The following NFATC1 variants were observed in gnomAD, a reference collection of about 807,000 sequenced individuals.
NFATC1 encodes nuclear factor of activated T cells 1.
In NFATC1, 22 loss-of-function variants were observed where a neutral mutation model predicts 76.0. That is an observed-to-expected ratio of 0.29 (90% CI 0.21 to 0.41). The LOEUF (loss-of-function observed/expected upper bound fraction) is 0.41, where lower values mean the gene tolerates loss of function less well. Among genes scored for constraint, NFATC1 ranks in the 10% least tolerant of loss-of-function variants. The probability of loss-of-function intolerance (pLI) is 1.00; values close to 1 mark genes in which losing one functional copy is unlikely to be tolerated. For synonymous variants in NFATC1, 704 were observed against 613.1 expected (o/e 1.15, Z -2.19); for missense variants, 1,357 against 1,337.7 (o/e 1.01, Z -0.23).
rs767491400 is a variant in NFATC1 at position 79,451,835 on chromosome 18, G to T, written c.1903+19G>T. ...GCCCCAGGTATGCTCTTCACCAGGG[G>T]CCATCTGCGGCCTGGGCTTCGGCGC... On this transcript the variant is annotated intron_variant, in intron 6 of 9. Coordinates refer to ENST00000427363, the MANE Select transcript of NFATC1 (RefSeq NM_001278669.2). The T allele has an allele frequency of 6.3e-7, 1 of 1,589,862 alleles. No homozygotes were observed. The highest frequency in any genetic ancestry group is 1.1e-5 in the South Asian group (1 of 87,114).
intron 9 of NFATC1, among the ~76,000 whole-genome samples, chr18:79,491,835 C>T (rs1415873325): frequency 6.6e-6 from 1 of 152,076 alleles, no homozygotes; most frequent in African/African-American, 2.4e-5. Flanking sequence ...GGACTCAGCC[C>T]CGGCCCCTGG....
At chr18:79,522,624 G>T (rs556995603) in intron 9 of NFATC1, among the ~76,000 whole-genome samples, 2 of 151,992 alleles carry the variant, frequency 1.3e-5, no homozygotes, top group Non-Finnish European at 2.9e-5. Context: ...AAACACCCCC[G>T]CCCCCAGCCT....
chr18:79,401,937 C>T (rs535571951), intron 1 of NFATC1, among the ~76,000 whole-genome samples: 3 of 152,300 alleles, frequency 2.0e-5, no homozygotes, highest in Admixed American at 1.3e-4. Context: ...GCCCTCGGCC[C>T]TGGCTGAAGA....
At position 79,410,370 on chromosome 18, in the gene NFATC1, C is replaced by G; in HGVS notation, c.128-33C>G. The G allele has an allele frequency of 6.4e-7, 1 of 1,573,102 alleles. No homozygotes were observed. Among genetic ancestry groups the G allele is most frequent in the Admixed American group, 1.7e-5 (1 of 57,552 alleles). ...GTTTCTGCTTTGTGATGCCCAGCCCCTCATGCTCCCATCTGCTTCTTTTTC... is the reference window on the plus strand; with the variant it reads ...GTTTCTGCTTTGTGATGCCCAGCCCGTCATGCTCCCATCTGCTTCTTTTTC... On this transcript the variant is annotated intron_variant, in intron 1 of 9. Transcript: ENST00000427363. The surrounding 1 kb of genome is among the most constrained non-coding windows in gnomAD (Gnocchi z 6.7).
At chr18:79,495,089 A>G (rs1260573183) in intron 9 of NFATC1, among the ~76,000 whole-genome samples, 1 of 152,234 alleles carries the variant, frequency 6.6e-6, no homozygotes, top group African/African-American at 2.4e-5. Context: ...CAAGGATGGC[A>G]CTGAGACGGG....
At chr18:79,523,501 G>T (rs2090669294) in intron 9 of NFATC1, among the ~76,000 whole-genome samples, 1 of 152,284 alleles carries the variant, frequency 6.6e-6, no homozygotes, top group Admixed American at 6.5e-5. Flanking sequence ...CTCGCCTACG[G>T]CTTGTTTACG....
intron 9 of NFATC1, among the ~76,000 whole-genome samples, chr18:79,508,585 C>T (rs1013258211): frequency 1.4e-4 from 22 of 152,214 alleles, no homozygotes; most frequent in East Asian, 5.8e-4. Context: ...GAACTCCCTC[C>T]CCTCTCTCTC....
At chr18:79,460,712 C>T (rs746399684) in intron 6 of NFATC1, among the ~76,000 whole-genome samples, 2 of 152,120 alleles carry the variant, frequency 1.3e-5, no homozygotes, top group African/African-American at 4.8e-5. Flanking sequence ...GCAGGGCCAG[C>T]GGCCAGGCCC....
intron 2 of NFATC1, among the ~76,000 whole-genome samples, chr18:79,424,217 G>A (rs575122527): frequency 5.9e-5 from 9 of 152,358 alleles, no homozygotes; most frequent in South Asian, 2.1e-4. Context: ...CACTATCACC[G>A]AGAAACGCGG....
chr18:79,429,078 C>T (rs1396525160), intron 2 of NFATC1, among the ~76,000 whole-genome samples: 1 of 151,912 alleles, frequency 6.6e-6, no homozygotes, highest in African/African-American at 2.4e-5. Context: ...AAAAATTAGC[C>T]GGTGTGGTGG....
At chr18:79,445,428 C>T (rs2087165830) in intron 3 of NFATC1, among the ~76,000 whole-genome samples, 2 of 152,356 alleles carry the variant, frequency 1.3e-5, no homozygotes, top group Admixed American at 1.3e-4. Context: ...CACTCTCCTG[C>T]CTGGTTCCCT....
intron 9 of NFATC1, among the ~76,000 whole-genome samples, chr18:79,488,442 C>G (rs2145074551): frequency 6.6e-6 from 1 of 151,390 alleles, no homozygotes; most frequent in South Asian, 2.1e-4. Flanking sequence ...GGCTGTCCCT[C>G]AGAGCCACAC....
chr18:79,419,015 G>A (rs1444675144), intron 2 of NFATC1, among the ~76,000 whole-genome samples: 5 of 152,172 alleles, frequency 3.3e-5, no homozygotes, highest in African/African-American at 9.7e-5. Context: ...AGAAAACAAC[G>A]TGGCTTTTTG....
chr18:79,526,801 T>C (rs1178770305), intron 9 of NFATC1, among the ~76,000 whole-genome samples: 1 of 152,224 alleles, frequency 6.6e-6, no homozygotes, highest in Non-Finnish European at 1.5e-5. Flanking sequence ...CCGGGGCCTT[T>C]GCAGAAACAC....
intron 1 of NFATC1, among the ~76,000 whole-genome samples, chr18:79,398,020 G>A (rs1314310549): frequency 2.0e-5 from 3 of 152,114 alleles, no homozygotes; most frequent in Non-Finnish European, 4.4e-5. Context: ...TTCCACACCA[G>A]CCATCGCTGA....
chr18:79,451,040 G>T lies in NFATC1; in HGVS notation c.1676G>T (p.Arg559Leu). ...ACGGACATCGGGAGGAAGAACACAC[G>T]GGTACGGCTGGTGTTCCGCGTTCAC... ...GETDIGRKNT[R>L]VRLVFRVHVP... The change falls in exon 5 of 10, where the codon CGG becomes CTG. Residue 559 changes from arginine to leucine, a missense_variant. Arg to Leu is a moderately radical substitution (Grantham distance 102, BLOSUM62 -2). This residue lies in a region of NFATC1 where 242 missense variants were observed against 329.2 expected (regional missense o/e 0.74). Coordinates refer to ENST00000427363, the MANE Select transcript of NFATC1 (RefSeq NM_001278669.2). 6.2e-7 allele frequency: 1 copy of T among 1,613,618 alleles called. No homozygotes were observed. The highest frequency in any genetic ancestry group is 2.2e-5 in the East Asian group (1 of 44,884).
chr18:79,485,719 G>A (rs2089472925), intron 8 of NFATC1, among the ~76,000 whole-genome samples: 1 of 152,254 alleles, frequency 6.6e-6, no homozygotes, highest in Admixed American at 6.5e-5. Context: ...GGGGACTCAG[G>A]AGCACCGTGG....
At chr18:79,441,579 C>T (rs1488048555) in intron 3 of NFATC1, among the ~76,000 whole-genome samples, 1 of 152,140 alleles carries the variant, frequency 6.6e-6, no homozygotes, top group Non-Finnish European at 1.5e-5. Context: ...GGGCTGTGAC[C>T]TGAGCCCGTC....
intron 8 of NFATC1, 75 bp downstream of exon 8, chr18:79,467,657 G>A (rs761904371): frequency 2.1e-5 from 33 of 1,593,968 alleles, no homozygotes; most frequent in Middle Eastern, 3.4e-4. Context: ...CAGAAACGAC[G>A]TCGCCGTAAA....
Sources: allele counts gnomAD v4.1 joint callset (sites outside exome capture counted in the v4.1 genomes callset), GRCh38; gene constraint gnomAD v4.1.1; regional missense constraint gnomAD v4.1.1; non-coding constraint Gnocchi (gnomAD v3.1); transcripts MANE v1.5; gene names NCBI Gene and HGNC (gene_info 2026-07-23, HGNC 2026-07-21).